Variants in GRID2 observed in about 807,000 individuals in gnomAD.
The protein encoded by GRID2 is glutamate ionotropic receptor delta type subunit 2, also known as glutamate receptor ionotropic, delta-2.
A neutral mutation model predicts 114.8 loss-of-function variants in GRID2; 33 were observed. That is an observed-to-expected ratio of 0.29 (90% CI 0.22 to 0.38). GRID2 has a LOEUF of 0.38. Ranked by LOEUF, GRID2 falls within the 10% of genes least tolerant of loss-of-function variation. GRID2 has a pLI of 1.00. For synonymous variants in GRID2, 505 were observed against 449.9 expected (o/e 1.12, Z -1.55); for missense variants, 1,184 against 1,257.7 (o/e 0.94, Z 0.89).
At chr4:92,527,652 GAC>G (rs2149146110) in intron 1 of GRID2, among the ~76,000 whole-genome samples, 1 of 152,002 alleles carries the variant, frequency 6.6e-6, no homozygotes, top group Admixed American at 6.6e-5. Context: ...AAGGTAATAA[GAC>G]AGAAAAAATT....
chr4:92,566,064 C>A (rs1015593), intron 1 of GRID2, among the ~76,000 whole-genome samples: 2,118 of 151,916 alleles, frequency 0.014, 46 homozygotes, highest in African/African-American at 0.049. Flanking sequence ...CTTCGCTGAC[C>A]GTTTATGGTT....
At chr4:92,918,364 C>T (rs1749002633) in intron 2 of GRID2, among the ~76,000 whole-genome samples, 1 of 152,052 alleles carries the variant, frequency 6.6e-6, no homozygotes, top group Admixed American at 6.6e-5. Context: ...ACCTGATTGC[C>T]CTGGCCAGAA....
intron 3 of GRID2, among the ~76,000 whole-genome samples, chr4:93,086,698 G>T (rs779127630): frequency 4.3e-4 from 65 of 152,008 alleles, no homozygotes; most frequent in Admixed American, 7.2e-4. Flanking sequence ...AGACTGAAAT[G>T]AATAAAATAA....
chr4:93,743,106 A>G lies in GRID2; in HGVS notation c.2361-26104A>G, dbSNP rs185574854. On this transcript the variant is annotated intron_variant, in intron 14 of 15. Transcript: ENST00000282020. ...AACAGCCTTATTACTGAAAATGGAG[A>G]AAGTTTAATTGGTCTGGATAGAAGA... 4.6e-4 allele frequency among the ~76,000 whole-genome samples: 70 copies of G among 152,334 alleles called. 1 individual carries two copies. The East Asian group carries it at 9.1e-3, about 20-fold the overall frequency.
At chr4:92,622,097 C>T (rs904223600) in intron 2 of GRID2, among the ~76,000 whole-genome samples, 2 of 151,586 alleles carry the variant, frequency 1.3e-5, no homozygotes, top group African/African-American at 2.4e-5. Context: ...AAGTACAGTG[C>T]AGAGTGAAAA....
At chr4:93,504,232 A>G (rs1728413268) in intron 12 of GRID2, among the ~76,000 whole-genome samples, 1 of 152,076 alleles carries the variant, frequency 6.6e-6, no homozygotes, top group Non-Finnish European at 1.5e-5. Context: ...ACTGTATTTC[A>G]TTTGGGTCAT....
At chr4:92,818,691 C>T (rs1353898455) in intron 2 of GRID2, among the ~76,000 whole-genome samples, 2 of 152,100 alleles carry the variant, frequency 1.3e-5, no homozygotes, top group African/African-American at 2.4e-5. Flanking sequence ...TTACCTCACC[C>T]AGAGCAGCCC....
intron 1 of GRID2, among the ~76,000 whole-genome samples, chr4:93,792,233 A>T (rs1734708443): frequency 6.6e-6 from 1 of 152,152 alleles, no homozygotes; most frequent in South Asian, 2.1e-4. Flanking sequence ...AGTTAACTCA[A>T]TTCTAATCCC....
rs1285340809 is a variant in GRID2 at position 93,490,572 on chromosome 4, T to C, written c.1859-67T>C. 7 of 1,234,134 alleles carry C rather than the reference T, an allele frequency of 5.7e-6. No individual in the cohort carries two copies. The East Asian group carries it at 1.4e-4, about 25-fold the overall frequency. 76.4% of individuals were successfully genotyped at this position (1,234,134 alleles called of 1,614,324 possible). A position where few individuals can be genotyped will look rare whatever the true frequency, so the allele number is the denominator to read the frequency against. On this transcript the variant is annotated intron_variant, in intron 11 of 15. Coordinates refer to ENST00000282020, the MANE Select transcript of GRID2 (RefSeq NM_001510.4). ...TTGCAAGTTAATTTGGTGTTGAATATAGATGACTTCAGATCCTCAATAAAT... is the reference window on the plus strand; with the variant it reads ...TTGCAAGTTAATTTGGTGTTGAATACAGATGACTTCAGATCCTCAATAAAT...
chr4:93,043,381 C>A (rs1330899198), intron 2 of GRID2, among the ~76,000 whole-genome samples: 1 of 152,028 alleles, frequency 6.6e-6, no homozygotes, highest in Non-Finnish European at 1.5e-5. Flanking sequence ...GGAAGAGATA[C>A]AGACACATAA....
At chr4:92,539,258 A>G (rs1725807506) in intron 1 of GRID2, among the ~76,000 whole-genome samples, 1 of 152,128 alleles carries the variant, frequency 6.6e-6, no homozygotes, top group Non-Finnish European at 1.5e-5. Flanking sequence ...CTAGACTTGA[A>G]ACTAATGAGT....
chr4:92,579,166 A>T (rs760180175), intron 1 of GRID2, among the ~76,000 whole-genome samples: 90 of 151,824 alleles, frequency 5.9e-4, no homozygotes, highest in Non-Finnish European at 1.0e-3. Flanking sequence ...CTTTTATTTT[A>T]TTTTTTTTAA....
chr4:93,291,203 A>G (rs923935475), intron 8 of GRID2, among the ~76,000 whole-genome samples: 1 of 150,928 alleles, frequency 6.6e-6, no homozygotes, highest in Admixed American at 6.6e-5. Context: ...AATATTTTAT[A>G]TATATGTAGC....
intron 1 of GRID2, among the ~76,000 whole-genome samples, chr4:92,546,281 G>A (rs992816391): frequency 6.6e-6 from 1 of 152,066 alleles, no homozygotes; most frequent in Non-Finnish European, 1.5e-5. Flanking sequence ...CAAAAGAAAG[G>A]AAAAATATTG....
At chr4:92,945,437 T>A (rs1303992994) in intron 2 of GRID2, among the ~76,000 whole-genome samples, 1 of 152,190 alleles carries the variant, frequency 6.6e-6, no homozygotes, top group African/African-American at 2.4e-5. Flanking sequence ...TTTGCTGCTC[T>A]AGAAAGTCTA....
At chr4:93,797,890 C>T (rs1282430604) in intron 1 of GRID2, among the ~76,000 whole-genome samples, 2 of 149,648 alleles carry the variant, frequency 1.3e-5, no homozygotes, top group African/African-American at 4.9e-5. Context: ...TGGTGGCTCA[C>T]ACCTGTAATC....
At chr4:93,159,743 G>A (rs1402499625) in intron 4 of GRID2, among the ~76,000 whole-genome samples, 1 of 135,502 alleles carries the variant, frequency 7.4e-6, no homozygotes. Flanking sequence ...TAGAGATTAA[G>A]TTCTTAGCAA....
At chr4:92,382,067 A>G (rs1412689731) in intron 1 of GRID2, among the ~76,000 whole-genome samples, 1 of 152,146 alleles carries the variant, frequency 6.6e-6, no homozygotes, top group East Asian at 1.9e-4. Flanking sequence ...AGTATTAAAA[A>G]CATAGTAGAT....
At chr4:93,542,575 A>T (rs940292502) in intron 13 of GRID2, among the ~76,000 whole-genome samples, 5 of 152,122 alleles carry the variant, frequency 3.3e-5, no homozygotes, top group Non-Finnish European at 7.4e-5. Flanking sequence ...GATGGGTGGG[A>T]TCATAAAGTC....
Sources: gnomAD v4.1 joint callset for allele counts (sites outside exome capture counted in the v4.1 genomes callset) on GRCh38, gnomAD v4.1.1 for gene constraint, MANE v1.5 for transcripts, NCBI Gene and HGNC (gene_info 2026-07-23, HGNC 2026-07-21) for gene names.